ALMS1: variants seen among roughly 807,000 people sequenced by gnomAD.
ALMS1 encodes ALMS1 centrosome and basal body associated protein, also known as centrosome-associated protein ALMS1.
Under a neutral mutation model 352.2 loss-of-function variants are expected in ALMS1, and 271 were observed. That is an observed-to-expected ratio of 0.77 (90% CI 0.70 to 0.85). The LOEUF is 0.85. Ranked by LOEUF, ALMS1 falls within the 40% of genes least tolerant of loss-of-function variation. The pLI, the probability that ALMS1 is intolerant of heterozygous loss-of-function variation, is 0.00. For missense variants in ALMS1, 5,445 were observed against 4,870.7 expected, an observed-to-expected ratio of 1.12 and a Z score of -3.51; for synonymous variants, 1,865 against 1,761.2, an observed-to-expected ratio of 1.06 and a Z score of -1.48.
At chr2:73,473,932 G>A (rs1042073996) in intron 9 of ALMS1, among the ~76,000 whole-genome samples, 1 of 151,888 alleles carries the variant, frequency 6.6e-6, no homozygotes, top group Non-Finnish European at 1.5e-5. Context: ...GAGAGAGAGA[G>A]AGAGAGAGAG....
intron 16 of ALMS1, among the ~76,000 whole-genome samples, chr2:73,597,086 A>C (rs910214087): frequency 6.6e-6 from 1 of 151,954 alleles, no homozygotes; most frequent in African/African-American, 2.4e-5. Context: ...ATTTATATTG[A>C]CTTCTGATGT....
At chr2:73,586,396 T>A (rs1675312593) in intron 16 of ALMS1, among the ~76,000 whole-genome samples, 2 of 152,208 alleles carry the variant, frequency 1.3e-5, no homozygotes, top group African/African-American at 4.8e-5. Flanking sequence ...ATTTAAGTCT[T>A]TAATCCATCT....
At chr2:73,509,063 TTTG>T (rs891717153) in intron 10 of ALMS1, among the ~76,000 whole-genome samples, 30 of 152,122 alleles carry the variant, frequency 2.0e-4, no homozygotes, top group African/African-American at 4.3e-4. Context: ...TTTTTGTTGT[TTTG>T]TTGTTGTTGT....
chr2:73,456,156 C>A (rs1184194645), intron 9 of ALMS1, among the ~76,000 whole-genome samples: 1 of 152,006 alleles, frequency 6.6e-6, no homozygotes, highest in Non-Finnish European at 1.5e-5. Context: ...TTCTCCTTTC[C>A]CAGTCATATC....
chr2:73,605,260 C>T (rs1318150148), intron 21 of ALMS1, among the ~76,000 whole-genome samples: 1 of 152,180 alleles, frequency 6.6e-6, no homozygotes, highest in African/African-American at 2.4e-5. Context: ...TTGTATTCAC[C>T]TCCATGGGCT....
At chr2:73,438,165 C>G (rs557139452) in intron 7 of ALMS1, among the ~76,000 whole-genome samples, 1 of 152,262 alleles carries the variant, frequency 6.6e-6, no homozygotes, top group East Asian at 1.9e-4. Flanking sequence ...CCTCCCTCAT[C>G]AATAGGGTGA....
At chr2:73,564,484 AAAATC>A (rs1209083380) in intron 15 of ALMS1, among the ~76,000 whole-genome samples, 2 of 152,036 alleles carry the variant, frequency 1.3e-5, no homozygotes, top group Non-Finnish European at 2.9e-5. Flanking sequence ...AAAAAAAAAA[AAAATC>A]AAACATGTAA....
intron 13 of ALMS1, among the ~76,000 whole-genome samples, chr2:73,552,816 A>G (rs1674466341): frequency 6.6e-6 from 1 of 152,212 alleles, no homozygotes; most frequent in African/African-American, 2.4e-5. Context: ...AGCTCATAAA[A>G]TATCATATCA....
chr2:73,416,805 T>TATG, intron 2 of ALMS1, among the ~76,000 whole-genome samples: 1 of 152,210 alleles, frequency 6.6e-6, no homozygotes, highest in Non-Finnish European at 1.5e-5. Flanking sequence ...AATGAATTAT[T>TATG]TAACCAAAGA....
intron 12 of ALMS1, among the ~76,000 whole-genome samples, chr2:73,538,453 G>C (rs1048005856): frequency 2.6e-5 from 4 of 152,158 alleles, no homozygotes; most frequent in Non-Finnish European, 4.4e-5. Flanking sequence ...AGCTCCCAGT[G>C]TGAGCGATGC....
At chr2:73,410,280 T>C (rs1671050418) in intron 2 of ALMS1, among the ~76,000 whole-genome samples, 1 of 152,018 alleles carries the variant, frequency 6.6e-6, no homozygotes, top group South Asian at 2.1e-4. Flanking sequence ...TTGCAGCTAC[T>C]TGGGAGGCTG....
Position 73,573,095 on chromosome 2 carries a change from T to C in ALMS1, c.11218T>C (p.Ser3740Pro). The C allele has an allele frequency of 6.2e-7, 1 of 1,614,064 alleles. No homozygotes were observed. The change falls in exon 16 of 23, where the codon TCA becomes CCA. Residue 3740 changes from serine to proline, a missense_variant. By Grantham distance (74) the Ser-to-Pro change is moderately conservative (BLOSUM62 -1). Coordinates refer to ENST00000613296, the MANE Select transcript of ALMS1 (RefSeq NM_001378454.1). ...ISNTSSDCRP[S>P]EESELLTDTT... The stretch of plus-strand genomic sequence containing the variant: ...CAACACTTCTTCGGATTGTCGGCCC[T>C]CAGAGGAGAGTGAGCTGCTCACAGA...
Position 73,558,992 on chromosome 2 carries a change from G to A in ALMS1, c.10234G>A (p.Ala3412Thr). ...DTADSSAAAA[A>T]EHSAQVGDPE... The stretch of plus-strand genomic sequence containing the variant: ...CGTAGATTCCAGTGCTGCTGCTGCT[G>A]CAGAGCACTCAGCTCAAGTAGGAGA... Residue 3412 changes from alanine (A) to threonine (T), a missense_variant, in exon 15 of 23, where the codon GCA becomes ACA. Transcript: ENST00000613296. 6 of 1,613,972 alleles carry A rather than the reference G, an allele frequency of 3.7e-6. No homozygotes were observed. Among genetic ancestry groups the A allele is most frequent in the Non-Finnish European group, 5.1e-6 (6 of 1,179,922 alleles).
At chr2:73,390,796 C>T (rs1258770750) in intron 1 of ALMS1, among the ~76,000 whole-genome samples, 1 of 145,500 alleles carries the variant, frequency 6.9e-6, no homozygotes, top group Non-Finnish European at 1.5e-5. Flanking sequence ...AAGATGGAGT[C>T]TCTCGCTTTT....
At chr2:73,582,922 G>T (rs1446028505) in intron 16 of ALMS1, among the ~76,000 whole-genome samples, 3 of 152,038 alleles carry the variant, frequency 2.0e-5, no homozygotes, top group African/African-American at 7.2e-5. Flanking sequence ...ATATATAGTA[G>T]TTCTATTTTT....
chr2:73,409,068 A>T (rs1572904930), intron 2 of ALMS1, among the ~76,000 whole-genome samples: 1 of 151,402 alleles, frequency 6.6e-6, no homozygotes, highest in East Asian at 1.9e-4. Context: ...TTATAGATGG[A>T]GTCTCGCTTT....
At chr2:73,410,227 A>G (rs1432163270) in intron 2 of ALMS1, among the ~76,000 whole-genome samples, 1 of 152,102 alleles carries the variant, frequency 6.6e-6, no homozygotes, top group Non-Finnish European at 1.5e-5. Flanking sequence ...TGTCTCTACT[A>G]AAAATACAAA....
intron 22 of ALMS1, 91 bp downstream of exon 22, chr2:73,608,665 C>A: frequency 1.0e-6 from 1 of 977,474 alleles, no homozygotes; most frequent in South Asian, 1.4e-5. Flanking sequence ...AGTGTGAAGT[C>A]AGAATGAACC....
Position 73,572,298 on chromosome 2 carries a change from G to T in ALMS1, c.10421G>T (p.Arg3474Leu), listed in dbSNP as rs757108070. 1.9e-6 allele frequency: 3 copies of T among 1,607,542 alleles called. No individual in the cohort carries two copies. The highest frequency in any genetic ancestry group is 1.1e-5 in the South Asian group (1 of 89,416). Reference protein sequence around the residue: ...ECHSEFENTTRSVFRSAKFYI... With the variant: ...ECHSEFENTTLSVFRSAKFYI... ...CATTCAGAATTTGAAAATACTACCC[G>T]TTCTGTCTTCAGGTCAGCAAAGTTT... is the stretch of plus-strand genomic sequence containing the variant. Residue 3474 changes from arginine to leucine, a missense_variant, in exon 16 of 23, where the codon CGT (arginine) becomes CTT (leucine). Transcript: ENST00000613296.
Sources: gnomAD v4.1 joint callset for allele counts (sites outside exome capture counted in the v4.1 genomes callset) on GRCh38, gnomAD v4.1.1 for gene constraint, MANE v1.5 for transcripts, NCBI Gene and HGNC (gene_info 2026-07-23, HGNC 2026-07-21) for gene names.